The following STAMBPL1 variants were observed in gnomAD, a reference collection of about 807,000 sequenced individuals.
STAMBPL1 encodes the protein AMSH-like protease.
A neutral mutation model predicts 52.9 loss-of-function variants in STAMBPL1; 44 were observed. The observed-to-expected ratio is 0.83, with a 90% CI of 0.65 to 1.07. STAMBPL1 has a LOEUF of 1.07. Among genes scored for constraint, STAMBPL1 ranks in the 50% least tolerant of loss-of-function variants. The pLI is 0.00. For missense variants in STAMBPL1, 511 were observed against 520.8 expected (o/e 0.98, Z 0.18); for synonymous variants, 164 against 177.3 (o/e 0.92, Z 0.60).
intron 8 of STAMBPL1, among the ~76,000 whole-genome samples, chr10:88,919,538 T>C (rs1229681088): frequency 6.6e-5 from 10 of 152,176 alleles, no homozygotes; most frequent in Admixed American, 6.5e-4. Flanking sequence ...TTTAATAACC[T>C]GCTTGCTGCC....
intron 5 of STAMBPL1, chr10:88,912,410 C>T (rs925723933): frequency 2.6e-5 from 4 of 152,154 alleles, no homozygotes; most frequent in Admixed American, 2.6e-4. Flanking sequence ...GAGCTTGGGA[C>T]TCCTCCTTTT....
intron 5 of STAMBPL1, 121 bp from the exon 6 acceptor site, chr10:88,912,980 C>T (rs1845264916): frequency 3.7e-6 from 3 of 818,816 alleles, no homozygotes; most frequent in African/African-American, 1.7e-5. Context: ...ATGAGTGTCC[C>T]TGTGGGCATA....
intron 1 of STAMBPL1, among the ~76,000 whole-genome samples, chr10:88,895,544 G>T (rs1177277091): frequency 1.3e-5 from 2 of 152,206 alleles, no homozygotes; most frequent in African/African-American, 4.8e-5. Flanking sequence ...TCCAACATTT[G>T]CTGTGAGAAA....
chr10:88,908,569 T>G (rs1282015968), intron 3 of STAMBPL1, 133 bp from the exon 4 acceptor site: 2 of 721,968 alleles, frequency 2.8e-6, no homozygotes, highest in East Asian at 5.7e-5. Context: ...AAAAGGCAGA[T>G]GGCAAGACTG....
rs558218527 is a variant in STAMBPL1 at position 88,919,939 on chromosome 10, G to A, written c.1042-1344G>A. Among the ~76,000 whole-genome samples the A allele has an allele frequency of 1.1e-4, 16 of 151,674 alleles. 1 individual carries two copies. The East Asian group carries it at 1.9e-3, about 18-fold the overall frequency. ...CAGCCTCAACCTCCCTGGCTCAAGC[G>A]CTCCTCTCACCTCAGCCCCCTCAAG... On this transcript the variant is annotated intron_variant, in intron 8 of 10. Coordinates refer to ENST00000371926, the MANE Select transcript of STAMBPL1 (RefSeq NM_020799.4).
chr10:88,910,385 T>G (rs908733875), intron 4 of STAMBPL1, among the ~76,000 whole-genome samples: 1 of 152,182 alleles, frequency 6.6e-6, no homozygotes, highest in African/African-American at 2.4e-5. Context: ...CTGTTTGAGA[T>G]CCAGATTCCC....
intron 9 of STAMBPL1, 105 bp downstream of exon 9, chr10:88,921,500 A>G (rs1272655683): frequency 2.4e-6 from 2 of 847,192 alleles, no homozygotes; most frequent in African/African-American, 1.7e-5. Context: ...GCAAGCACAC[A>G]ACGCCCTCGG....
chr10:88,903,809 G>A (rs1033414556), intron 2 of STAMBPL1, among the ~76,000 whole-genome samples: 2 of 152,146 alleles, frequency 1.3e-5, no homozygotes, highest in African/African-American at 4.8e-5. Context: ...CTCTGATGTG[G>A]GGAAGCCACG....
At position 88,910,918 on chromosome 10, in the gene STAMBPL1, A is replaced by C; in HGVS notation, c.327A>C (p.Lys109Asn). The change falls in exon 5 of 11, where the codon AAA (lysine) becomes AAC (asparagine). Residue 109 changes from lysine to asparagine, a missense_variant and splice_region_variant. Coordinates refer to ENST00000371926, the MANE Select transcript of STAMBPL1 (RefSeq NM_020799.4). Reference sequence around the variant, plus strand: ...ATATGTATATATATTTTTAAAAGAAACTGAAGGAGATTGCATTCCCAAGGA... The same window carrying C: ...ATATGTATATATATTTTTAAAAGAACCTGAAGGAGATTGCATTCCCAAGGA... ...AVPEKQDIMK[K>N]LKEIAFPRTD... 6.3e-7 allele frequency: 1 copy of C among 1,580,820 alleles called. No homozygotes were observed. The highest frequency in any genetic ancestry group is 8.6e-7 in the Non-Finnish European group (1 of 1,167,916).
At chr10:88,904,066 C>T (rs1310582962) in intron 2 of STAMBPL1, among the ~76,000 whole-genome samples, 1 of 152,200 alleles carries the variant, frequency 6.6e-6, no homozygotes, top group Non-Finnish European at 1.5e-5. Context: ...TAAAAGTATG[C>T]TTACCTTGAC....
At chr10:88,916,015 C>G (rs1031217544) in intron 7 of STAMBPL1, among the ~76,000 whole-genome samples, 1 of 152,082 alleles carries the variant, frequency 6.6e-6, no homozygotes, top group Non-Finnish European at 1.5e-5. Context: ...ACATCTGTTC[C>G]TTGAGGATCC....
chr10:88,905,636 T>G lies in STAMBPL1; in HGVS notation c.224T>G (p.Phe75Cys). The change falls in exon 3 of 11, where the codon TTT (phenylalanine) becomes TGT (cysteine). Residue 75 changes from phenylalanine to cysteine, a missense_variant. Phe to Cys is a radical substitution (Grantham distance 205). Around this residue, in one of 3 missense-constraint regions of STAMBPL1, gnomAD observed 358 missense variants for 343.5 expected, o/e 1.04. Coordinates refer to ENST00000371926, the MANE Select transcript of STAMBPL1 (RefSeq NM_020799.4). ...GAAGAAGGAAATTTGGAAAATGCCT[T>G]TGTTCTTTATAATAAATTTATAACG... is the stretch of plus-strand genomic sequence containing the variant. ...YLEEGNLENA[F>C]VLYNKFITLF... 1 of 1,613,930 alleles carries G rather than the reference T, an allele frequency of 6.2e-7. No homozygotes were observed. The highest frequency in any genetic ancestry group is 8.5e-7 in the Non-Finnish European group (1 of 1,179,876).
intron 10 of STAMBPL1, 27 bp downstream of exon 10, chr10:88,922,463 C>T (rs1845538563): frequency 1.2e-6 from 2 of 1,602,952 alleles, no homozygotes; most frequent in Non-Finnish European, 1.7e-6. Context: ...AGTTATTTTT[C>T]CAGGTATTTC....
At chr10:88,904,058 A>G (rs771942662) in intron 2 of STAMBPL1, among the ~76,000 whole-genome samples, 4 of 152,202 alleles carry the variant, frequency 2.6e-5, no homozygotes, top group Non-Finnish European at 4.4e-5. Context: ...GGCCAGACTA[A>G]AAGTATGCTT....
At chr10:88,913,518 T>G in intron 6 of STAMBPL1, 60 bp downstream of exon 6, 3 of 1,414,648 alleles carry the variant, frequency 2.1e-6, no homozygotes, top group Non-Finnish European at 2.9e-6. Context: ...ACCATATTTC[T>G]ATAGCATCTG....
chr10:88,883,531 G>A (rs1017231082), intron 1 of STAMBPL1, among the ~76,000 whole-genome samples: 3 of 152,232 alleles, frequency 2.0e-5, no homozygotes, highest in Non-Finnish European at 4.4e-5. Context: ...ACATCTGGAT[G>A]TGGCTTTTGT....
At position 88,913,117 on chromosome 10, in the gene STAMBPL1, A is replaced by T; in HGVS notation, c.437A>T (p.Glu146Val). 1.9e-6 allele frequency: 3 copies of T among 1,597,398 alleles called. No homozygotes were observed. The highest frequency in any genetic ancestry group is 2.6e-6 in the Non-Finnish European group (3 of 1,172,530). Reference protein sequence around the residue: ...YLQSKNKYKAEILKKLEHQRL... With the variant: ...YLQSKNKYKAVILKKLEHQRL... ...ACTTTTTAGAACAAATATAAAGCTGAAATTCTCAAAAAATTGGAGCATCAG... is the reference window on the plus strand; with the variant it reads ...ACTTTTTAGAACAAATATAAAGCTGTAATTCTCAAAAAATTGGAGCATCAG... The change falls in exon 6 of 11, where the codon GAA becomes GTA. Residue 146 changes from glutamate to valine, a missense_variant. Coordinates refer to ENST00000371926, the MANE Select transcript of STAMBPL1 (RefSeq NM_020799.4).
intron 1 of STAMBPL1, among the ~76,000 whole-genome samples, chr10:88,888,830 T>C (rs962627322): frequency 2.0e-5 from 3 of 152,206 alleles, no homozygotes; most frequent in Non-Finnish European, 4.4e-5. Flanking sequence ...TATAAAAAAG[T>C]ATAATTTGTC....
chr10:88,891,474 TG>T (rs1308032040), intron 1 of STAMBPL1, among the ~76,000 whole-genome samples: 1 of 152,154 alleles, frequency 6.6e-6, no homozygotes, highest in Non-Finnish European at 1.5e-5. Context: ...CTAAAATTAG[TG>T]GGCAATGGTA....
Sources: allele counts gnomAD v4.1 joint callset (sites outside exome capture counted in the v4.1 genomes callset), GRCh38; gene constraint gnomAD v4.1.1; regional missense constraint gnomAD v4.1.1; transcripts MANE v1.5; gene names NCBI Gene and HGNC (gene_info 2026-07-23, HGNC 2026-07-21).